PDE1B: variants seen among roughly 807,000 people sequenced by gnomAD.
PDE1B encodes the protein phosphodiesterase 1B, also known as dual specificity calcium/calmodulin-dependent 3',5'-cyclic nucleotide phosphodiesterase 1B.
PDE1B carries 13 observed loss-of-function variants against 66.7 expected under a neutral mutation model. That is an observed-to-expected ratio of 0.19 (90% CI 0.13 to 0.31). The LOEUF is 0.31. Among genes scored for constraint, PDE1B ranks in the 10% least tolerant of loss-of-function variants. PDE1B has a pLI of 1.00. For synonymous variants in PDE1B, 230 were observed against 253.9 expected, an observed-to-expected ratio of 0.91 and a Z score of 0.90; for missense variants, 485 against 682.3, an observed-to-expected ratio of 0.71 and a Z score of 3.22.
chr12:54,577,566 T>C lies in PDE1B; in HGVS notation c.*17+221T>C, dbSNP rs887472748. ...CCCTGCAGGAACAAAGGAGGTACCT[T>C]CTCAGAACAGCAGCAGAACAGGGTG... is the stretch of plus-strand genomic sequence containing the variant. On this transcript the variant is annotated intron_variant, in intron 15 of 15. Coordinates refer to ENST00000243052, the MANE Select transcript of PDE1B (RefSeq NM_000924.4). The C allele has an allele frequency of 3.9e-6, 6 of 1,521,950 alleles. No homozygotes were observed. In the South Asian group the frequency reaches 5.1e-5, roughly 13 times the overall value. The allele number at this position is 1,521,950 out of a possible 1,614,324, so 94.3% of individuals were successfully genotyped here.
At chr12:54,561,473 T>G in intron 2 of PDE1B, 1 of 1,364,100 alleles carries the variant, frequency 7.3e-7, no homozygotes, top group Non-Finnish European at 9.5e-7. Flanking sequence ...TCAGTTCTAC[T>G]GGGACCTGGA....
chr12:54,566,835 A>T (rs1957524092), intron 2 of PDE1B, 139 bp from the exon 3 acceptor site: 1 of 462,416 alleles, frequency 2.2e-6, no homozygotes, highest in Non-Finnish European at 3.9e-6. Flanking sequence ...ATTAGCTGCT[A>T]TTATTATTAA....
At chr12:54,557,783 T>C (rs1352228500) in intron 2 of PDE1B, among the ~76,000 whole-genome samples, 1 of 152,118 alleles carries the variant, frequency 6.6e-6, no homozygotes, top group African/African-American at 2.4e-5. Flanking sequence ...GGGTGGTCCA[T>C]GTGGAGGTGG....
intron 15 of PDE1B, 107 bp from the exon 16 acceptor site, chr12:54,577,753 G>T: frequency 2.0e-6 from 1 of 497,272 alleles, no homozygotes; most frequent in Non-Finnish European, 3.5e-6. Flanking sequence ...GGCATTTTTT[G>T]CACAGCTCTA....
chr12:54,569,033 A>G lies in PDE1B; in HGVS notation c.228-151A>G. The G allele has an allele frequency of 1.5e-6, 2 of 1,309,092 alleles. No homozygotes were observed. The highest frequency in any genetic ancestry group is 5.8e-5 in the Admixed American group (2 of 34,772). The allele number at this position is 1,309,092 out of a possible 1,614,324, so 81.1% of individuals were successfully genotyped here. A position where few individuals can be genotyped will look rare whatever the true frequency, so the allele number is the denominator to read the frequency against. On this transcript the variant is annotated intron_variant, in intron 3 of 15. Transcript: ENST00000243052. This position sits in a 1 kb window ranked among gnomAD's most constrained non-coding sequence, Gnocchi z 4.4. ...ATTATTGGAGATGTTAGATAAAGAAATAAAAAGATATAGAGAAAGAAAGGA... is the reference window on the plus strand; with the variant it reads ...ATTATTGGAGATGTTAGATAAAGAAGTAAAAAGATATAGAGAAAGAAAGGA...
At chr12:54,574,560 A>T (rs1313107189) in intron 10 of PDE1B, 1 of 152,618 alleles carries the variant, frequency 6.6e-6, no homozygotes, top group East Asian at 1.9e-4. Context: ...ACGTGAACCC[A>T]GGCCCTTTGA....
intron 2 of PDE1B, among the ~76,000 whole-genome samples, chr12:54,554,802 T>C (rs1422445054): frequency 6.6e-6 from 1 of 152,104 alleles, no homozygotes; most frequent in East Asian, 1.9e-4. Context: ...TCTCTCTGAG[T>C]CTCAGTTCTT....
chr12:54,565,584 G>C (rs2121095330), intron 2 of PDE1B, among the ~76,000 whole-genome samples: 1 of 152,350 alleles, frequency 6.6e-6, no homozygotes, highest in East Asian at 1.9e-4. Flanking sequence ...TCCACATGGA[G>C]ATGGTGCAGC....
chr12:54,568,102 T>C (rs35023953), intron 3 of PDE1B, among the ~76,000 whole-genome samples: 13,008 of 152,130 alleles, frequency 0.086, 769 homozygotes, highest in African/African-American at 0.17. Context: ...GTGATCTGCC[T>C]GCCTTGGCCT....
chr12:54,550,616 G>GA (rs886564881), intron 2 of PDE1B, among the ~76,000 whole-genome samples: 1 of 151,748 alleles, frequency 6.6e-6, no homozygotes, highest in Non-Finnish European at 1.5e-5. Flanking sequence ...CTGGAGGGGG[G>GA]GTTGGAGCCC....
At chr12:54,560,104 T>G (rs1471694770) in intron 2 of PDE1B, among the ~76,000 whole-genome samples, 1 of 152,132 alleles carries the variant, frequency 6.6e-6, no homozygotes. Flanking sequence ...CAGCCCTGCT[T>G]CACGGCTACC....
intron 2 of PDE1B, among the ~76,000 whole-genome samples, chr12:54,560,380 A>G (rs1957389169): frequency 6.6e-6 from 1 of 152,122 alleles, no homozygotes; most frequent in East Asian, 1.9e-4. Flanking sequence ...CTTTCTGCTG[A>G]CATACTCAAC....
chr12:54,562,134 GC>G (rs1374099531), intron 2 of PDE1B, among the ~76,000 whole-genome samples: 1 of 152,112 alleles, frequency 6.6e-6, no homozygotes, highest in Non-Finnish European at 1.5e-5. Context: ...CCTGTCCTAA[GC>G]CCCCTACTTA....
intron 2 of PDE1B, among the ~76,000 whole-genome samples, chr12:54,566,564 A>G (rs1158029493): frequency 6.6e-6 from 1 of 152,212 alleles, no homozygotes; most frequent in African/African-American, 2.4e-5. Context: ...GCCCTCTCCC[A>G]TGGGGGAAAT....
At chr12:54,556,376 T>C (rs906829064) in intron 2 of PDE1B, among the ~76,000 whole-genome samples, 10 of 152,090 alleles carry the variant, frequency 6.6e-5, no homozygotes, top group Admixed American at 2.0e-4. Flanking sequence ...AAAGAGTGAC[T>C]GAGAAGGGAA....
rs1957310356 is a variant in PDE1B, at chr12:54,553,830, A to T, written c.113+3845A>T. Reference sequence around the variant, plus strand: ...AAGGAGTTACAGAGAGGATCCAGAAACTGTGGCGTTTGGATTGTGTGAATG... The same window carrying T: ...AAGGAGTTACAGAGAGGATCCAGAATCTGTGGCGTTTGGATTGTGTGAATG... On this transcript the variant is annotated intron_variant, in intron 2 of 15. Coordinates refer to ENST00000243052, the MANE Select transcript of PDE1B (RefSeq NM_000924.4). 2.0e-5 allele frequency among the ~76,000 whole-genome samples: 3 copies of T among 152,230 alleles called. No homozygotes were observed. The South Asian group carries it at 6.2e-4, about 32-fold the overall frequency.
At position 54,569,645 on chromosome 12, in the gene PDE1B, G is replaced by A. The variant is rs1381140624; in HGVS notation, c.477+33G>A. 4.1e-6 allele frequency: 6 copies of A among 1,471,292 alleles called. No individual in the cohort carries two copies. The African/African-American group carries it at 8.3e-5, about 20-fold the overall frequency. 91.1% of individuals were successfully genotyped at this position (1,471,292 alleles called of 1,614,324 possible). ...CTGGGTTTTTGGGAAAGAGGAGAAAGTTAGGGGATGGAATAGCCACTGGGA... is the reference window on the plus strand; with the variant it reads ...CTGGGTTTTTGGGAAAGAGGAGAAAATTAGGGGATGGAATAGCCACTGGGA... On this transcript the variant is annotated intron_variant, in intron 5 of 15. Coordinates refer to ENST00000243052, the MANE Select transcript of PDE1B (RefSeq NM_000924.4). This position sits in a 1 kb window ranked among gnomAD's most constrained non-coding sequence, Gnocchi z 4.4.
intron 2 of PDE1B, among the ~76,000 whole-genome samples, chr12:54,563,687 G>A (rs547234616): frequency 6.6e-6 from 1 of 152,158 alleles, no homozygotes; most frequent in Non-Finnish European, 1.5e-5. Context: ...GAGACCTTTT[G>A]TATGTGCCAG....
intron 2 of PDE1B, among the ~76,000 whole-genome samples, chr12:54,554,977 C>A (rs1957325451): frequency 6.6e-6 from 1 of 152,008 alleles, no homozygotes; most frequent in South Asian, 2.1e-4. Context: ...ATATGAATTA[C>A]CTAATAGGTT....
Sources: gnomAD v4.1 joint callset for allele counts (sites outside exome capture counted in the v4.1 genomes callset) on GRCh38, gnomAD v4.1.1 for gene constraint, Gnocchi (gnomAD v3.1) non-coding constraint, MANE v1.5 for transcripts, NCBI Gene and HGNC (gene_info 2026-07-23, HGNC 2026-07-21) for gene names.